The following SLC24A2 variants were observed in gnomAD, a reference collection of about 807,000 sequenced individuals.
The protein encoded by SLC24A2 is solute carrier family 24 member 2, also known as sodium/potassium/calcium exchanger 2.
In SLC24A2, 36 loss-of-function variants were observed where a neutral mutation model predicts 62.0. That is an observed-to-expected ratio of 0.58 (90% CI 0.44 to 0.77). The LOEUF (loss-of-function observed/expected upper bound fraction) is 0.77, where lower values mean the gene tolerates loss of function less well. Among genes scored for constraint, SLC24A2 ranks in the 30% least tolerant of loss-of-function variants. SLC24A2 has a pLI of 0.00. For missense variants in SLC24A2, 846 were observed against 817.9 expected (o/e 1.03, Z -0.42); for synonymous variants, 358 against 294.0 (o/e 1.22, Z -2.23).
intron 2 of SLC24A2, among the ~76,000 whole-genome samples, chr9:19,626,877 G>C (rs1009504566): frequency 1.3e-5 from 2 of 152,132 alleles, no homozygotes; most frequent in Non-Finnish European, 2.9e-5. Flanking sequence ...GGGAAGACTA[G>C]ATACAAGGTG....
In SLC24A2 at chr9:19,725,094, C is replaced by T. The variant is rs1014396713; in HGVS notation, c.930+60843G>A. ...TACATGCCAGTGGGGTAATTTTGTA[C>T]CCCTAGAGGCATTTTTCAATGTCTT... On this transcript the variant is annotated intron_variant, in intron 2 of 10. Transcript: ENST00000341998. 4.6e-5 allele frequency among the ~76,000 whole-genome samples: 7 copies of T among 152,206 alleles called. No homozygotes were observed. In the South Asian group the frequency reaches 1.2e-3, roughly 27 times the overall value.
chr9:20,219,442 A>T, the SLC24A2 span, among the ~76,000 whole-genome samples: 4 of 152,202 alleles, frequency 2.6e-5, no homozygotes, highest in African/African-American at 7.2e-5. Flanking sequence ...TTCTACAGCC[A>T]CTTTGGTATT....
At chr9:19,953,415 T>A in the SLC24A2 span, among the ~76,000 whole-genome samples, 2 of 152,040 alleles carry the variant, frequency 1.3e-5, no homozygotes, top group Non-Finnish European at 2.9e-5. Flanking sequence ...TGTAGTTCTC[T>A]GTGCTTAAGG....
intron 2 of SLC24A2, among the ~76,000 whole-genome samples, chr9:19,698,888 A>C (rs1238473550): frequency 6.6e-6 from 1 of 152,202 alleles, no homozygotes; most frequent in Non-Finnish European, 1.5e-5. Flanking sequence ...ACTTCCATTC[A>C]TTTATAGTGG....
At chr9:20,258,294 A>G in the SLC24A2 span, among the ~76,000 whole-genome samples, 2 of 152,256 alleles carry the variant, frequency 1.3e-5, no homozygotes, top group East Asian at 3.8e-4. Context: ...TTCAGTAAGC[A>G]CTGAGCCTAT....
At chr9:19,663,376 G>A (rs995387639) in intron 2 of SLC24A2, among the ~76,000 whole-genome samples, 3 of 152,180 alleles carry the variant, frequency 2.0e-5, no homozygotes, top group Admixed American at 6.5e-5. Flanking sequence ...CTAGCTCAGG[G>A]GTAGTCTCTA....
chr9:19,897,871 G>C, the SLC24A2 span, among the ~76,000 whole-genome samples: 1 of 152,166 alleles, frequency 6.6e-6, no homozygotes, highest in East Asian at 1.9e-4. Context: ...ATTGTTCCAG[G>C]CTGCTTTGAA....
At chr9:20,203,347 G>C in the SLC24A2 span, among the ~76,000 whole-genome samples, 1 of 152,082 alleles carries the variant, frequency 6.6e-6, no homozygotes, top group Non-Finnish European at 1.5e-5. Flanking sequence ...CTTATGGCAG[G>C]GAGTTGCCCT....
the SLC24A2 span, among the ~76,000 whole-genome samples, chr9:20,245,053 A>G: frequency 1.3e-5 from 2 of 152,196 alleles, no homozygotes; most frequent in African/African-American, 4.8e-5. Flanking sequence ...GGACATGAGA[A>G]TATGTCATAA....
chr9:20,301,020 G>A, the SLC24A2 span, among the ~76,000 whole-genome samples: 22 of 152,260 alleles, frequency 1.4e-4, no homozygotes, highest in Non-Finnish European at 7.4e-5. Context: ...AAAACCACAA[G>A]AAAGGTCTGG....
the SLC24A2 span, among the ~76,000 whole-genome samples, chr9:20,108,699 C>T: frequency 6.1e-5 from 5 of 82,472 alleles, no homozygotes; most frequent in Admixed American, 1.5e-4. Context: ...GGACTGTTGT[C>T]GGGTTGGGGG....
chr9:19,990,616 C>CAAAAAAAAAAAACA, the SLC24A2 span, among the ~76,000 whole-genome samples: 1 of 45,130 alleles, frequency 2.2e-5, no homozygotes, highest in African/African-American at 9.4e-5. Context: ...CCTAAAAAAA[C>CAAAAAAAAAAAACA]AAAAAAAAAA....
At chr9:19,651,876 C>T (rs976494334) in intron 2 of SLC24A2, among the ~76,000 whole-genome samples, 3 of 152,138 alleles carry the variant, frequency 2.0e-5, no homozygotes, top group African/African-American at 7.2e-5. Context: ...TCAGCAGCTG[C>T]GCTCTTATAA....
intron 2 of SLC24A2, among the ~76,000 whole-genome samples, chr9:19,694,430 T>C (rs1820128001): frequency 1.3e-5 from 2 of 152,154 alleles, no homozygotes; most frequent in Non-Finnish European, 2.9e-5. Flanking sequence ...AAACAAAATA[T>C]TTTTTTCTAA....
chr9:19,558,437 G>A (rs1046479376), intron 7 of SLC24A2, among the ~76,000 whole-genome samples: 2 of 152,212 alleles, frequency 1.3e-5, no homozygotes, highest in East Asian at 3.8e-4. Flanking sequence ...GATGTAGGGA[G>A]GAGGTGGCAA....
the SLC24A2 span, among the ~76,000 whole-genome samples, chr9:20,043,767 AT>A: frequency 6.6e-6 from 1 of 152,350 alleles, no homozygotes; most frequent in East Asian, 1.9e-4. Context: ...GTTTATTGAG[AT>A]GCAATATGCT....
At chr9:20,183,368 C>G in the SLC24A2 span, among the ~76,000 whole-genome samples, 5 of 152,158 alleles carry the variant, frequency 3.3e-5, no homozygotes, top group Non-Finnish European at 5.9e-5. Context: ...CAGAGTGAAG[C>G]AGGATGTCCT....
At chr9:19,669,560 CAA>C (rs1819354560) in intron 2 of SLC24A2, among the ~76,000 whole-genome samples, 3 of 152,244 alleles carry the variant, frequency 2.0e-5, no homozygotes. Flanking sequence ...GAGCTAAAAG[CAA>C]AGTCTCTGCA....
chr9:20,279,439 G>C, the SLC24A2 span, among the ~76,000 whole-genome samples: 1 of 152,208 alleles, frequency 6.6e-6, no homozygotes, highest in Admixed American at 6.5e-5. Flanking sequence ...GCTGAGGCAG[G>C]AGAATCACTT....
Sources: allele counts gnomAD v4.1 joint callset (sites outside exome capture counted in the v4.1 genomes callset), GRCh38; gene constraint gnomAD v4.1.1; transcripts MANE v1.5; gene names NCBI Gene and HGNC (gene_info 2026-07-23, HGNC 2026-07-21).